PHACTR1: variants seen among roughly 807,000 people sequenced by gnomAD.
PHACTR1 encodes the protein phosphatase and actin regulator 1, also known as RPEL repeat containing 1.
Under a neutral mutation model 69.2 loss-of-function variants are expected in PHACTR1, and 16 were observed. That is an observed-to-expected ratio of 0.23 (90% CI 0.16 to 0.35). The LOEUF is 0.35. PHACTR1 is among the 10% of genes least tolerant of loss of function. The pLI is 1.00. For synonymous variants in PHACTR1, 312 were observed against 284.5 expected (o/e 1.10, Z -0.97); for missense variants, 510 against 734.7 (o/e 0.69, Z 3.54).
chr6:12,856,235 T>TTTTC lies in PHACTR1; in HGVS notation c.250+106465_250+106468dup, dbSNP rs568013336. Among the ~76,000 whole-genome samples, 16 of 139,250 alleles carry TTTTC rather than the reference T, an allele frequency of 1.1e-4. No individual in the cohort carries two copies. The South Asian group carries it at 3.0e-3, about 26-fold the overall frequency. 91.4% of individuals were successfully genotyped at this position (139,250 alleles called of 152,430 possible). A position where few individuals can be genotyped will look rare whatever the true frequency, so the allele number is the denominator to read the frequency against. ...TTCACCCTTTCTTTTTTTCTTTTCT[T>TTTTC]TTTCTTTCTTTCTTTCTTTCTTTTT... On this transcript the variant is annotated intron_variant, in intron 4 of 14. Coordinates refer to ENST00000332995, the MANE Select transcript of PHACTR1 (RefSeq NM_030948.6).
chr6:13,134,795 TA>T (rs35318262), intron 5 of PHACTR1, among the ~76,000 whole-genome samples: 2,013 of 111,126 alleles, frequency 0.018, 52 homozygotes, highest in African/African-American at 0.063. Flanking sequence ...CAATAAATAC[TA>T]AAAAAAAAAA....
chr6:12,897,452 C>T (rs1784773057), intron 4 of PHACTR1, among the ~76,000 whole-genome samples: 1 of 151,998 alleles, frequency 6.6e-6, no homozygotes, highest in African/African-American at 2.4e-5. Flanking sequence ...TTAAACATGC[C>T]CAGTCTCTCC....
rs148520946 is a variant in PHACTR1 at position 12,947,337 on chromosome 6, T to C, written c.251-106028T>C. On this transcript the variant is annotated intron_variant, in intron 4 of 14. Transcript: ENST00000332995. ...GTATAACCTGAAGAAACATAACTAT[T>C]CTGCTTTTTTTTTTTTTTTCTGTGA... Among the ~76,000 whole-genome samples the C allele has an allele frequency of 4.5e-3, 575 of 129,142 alleles. 3 individuals carry two copies. Among genetic ancestry groups the C allele is most frequent in the African/African-American group, 0.017 (540 of 32,302 alleles). 84.7% of individuals were successfully genotyped at this position (129,142 alleles called of 152,430 possible). A position where few individuals can be genotyped will look rare whatever the true frequency, so the allele number is the denominator to read the frequency against.
At chr6:13,193,167 C>G (rs1469775489) in intron 7 of PHACTR1, among the ~76,000 whole-genome samples, 1 of 150,500 alleles carries the variant, frequency 6.6e-6, no homozygotes, top group Non-Finnish European at 1.5e-5. Flanking sequence ...TTAGACCAGC[C>G]ATTAACATCA....
chr6:13,192,930 C>G (rs984164657), intron 7 of PHACTR1, among the ~76,000 whole-genome samples: 1 of 152,134 alleles, frequency 6.6e-6, no homozygotes, highest in Non-Finnish European at 1.5e-5. Context: ...AAAATGTTCT[C>G]CAGTTCTAAG....
Position 12,933,654 on chromosome 6 carries a change from T to C in PHACTR1, c.251-119711T>C, listed in dbSNP as rs773874181. ...CCAGGCGTTTCCCTTTTTGGGGATA[T>C]GGATGAAGCAAGAATGGGACCAGCA... On this transcript the variant is annotated intron_variant, in intron 4 of 14. Coordinates refer to ENST00000332995, the MANE Select transcript of PHACTR1 (RefSeq NM_030948.6). 8 of 1,612,668 alleles carry C rather than the reference T, an allele frequency of 5.0e-6. No homozygotes were observed. In the East Asian group the frequency reaches 1.1e-4, roughly 22 times the overall value.
At chr6:13,034,852 T>C (rs1309375628) in intron 4 of PHACTR1, among the ~76,000 whole-genome samples, 1 of 152,244 alleles carries the variant, frequency 6.6e-6, no homozygotes, top group Admixed American at 6.5e-5. Flanking sequence ...AGTCCTTTTC[T>C]GGTAGTGAAA....
At chr6:12,794,774 G>A (rs912479147) in intron 4 of PHACTR1, among the ~76,000 whole-genome samples, 1 of 152,160 alleles carries the variant, frequency 6.6e-6, no homozygotes, top group Non-Finnish European at 1.5e-5. Context: ...TTGTCTGGTG[G>A]CTGCCATATT....
chr6:12,752,368 G>A (rs1766726389), intron 4 of PHACTR1, among the ~76,000 whole-genome samples: 1 of 152,240 alleles, frequency 6.6e-6, no homozygotes, highest in African/African-American at 2.4e-5. Context: ...TGGGCATAGA[G>A]ATAATTTTGT....
At chr6:12,878,109 C>T (rs950022885) in intron 4 of PHACTR1, among the ~76,000 whole-genome samples, 1 of 152,188 alleles carries the variant, frequency 6.6e-6, no homozygotes, top group South Asian at 2.1e-4. Context: ...TTCCAGCGCA[C>T]TTAGCAAAGT....
intron 10 of PHACTR1, among the ~76,000 whole-genome samples, chr6:13,255,931 G>T (rs1479628342): frequency 6.6e-6 from 1 of 152,214 alleles, no homozygotes; most frequent in African/African-American, 2.4e-5. Flanking sequence ...AGCTCCACTA[G>T]GCAGTGCCCC....
chr6:12,975,130 TG>T (rs1248388258), intron 4 of PHACTR1, among the ~76,000 whole-genome samples: 4 of 152,082 alleles, frequency 2.6e-5, no homozygotes, highest in African/African-American at 9.7e-5. Context: ...GTGAGAGGTG[TG>T]GGGAAGTATG....
intron 4 of PHACTR1, among the ~76,000 whole-genome samples, chr6:12,975,518 C>A (rs1794766250): frequency 6.6e-6 from 1 of 152,194 alleles, no homozygotes; most frequent in Non-Finnish European, 1.5e-5. Context: ...TTAAGGAGCT[C>A]ATTTTCAATT....
chr6:13,022,221 G>A (rs780959053), intron 4 of PHACTR1, among the ~76,000 whole-genome samples: 61 of 152,232 alleles, frequency 4.0e-4, no homozygotes, highest in Non-Finnish European at 6.8e-4. Context: ...AAAAGTTGAA[G>A]TGGAAATTAT....
At chr6:12,720,899 C>T (rs1481246818) in intron 3 of PHACTR1, among the ~76,000 whole-genome samples, 1 of 152,210 alleles carries the variant, frequency 6.6e-6, no homozygotes, top group African/African-American at 2.4e-5. Flanking sequence ...ACACTAGAGG[C>T]AGGATGACAT....
In PHACTR1 at chr6:12,846,314, A is replaced by G. The variant is rs185256504; in HGVS notation, c.250+96524A>G. On this transcript the variant is annotated intron_variant, in intron 4 of 14. Coordinates refer to ENST00000332995, the MANE Select transcript of PHACTR1 (RefSeq NM_030948.6). ...GAATATAATCTTAACTATTCTGTAAATGGAAAATTTTAAGTTGGTACCAAC... is the reference window on the plus strand; with the variant it reads ...GAATATAATCTTAACTATTCTGTAAGTGGAAAATTTTAAGTTGGTACCAAC... 3.2e-4 allele frequency among the ~76,000 whole-genome samples: 49 copies of G among 152,362 alleles called. 1 individual carries two copies. Among genetic ancestry groups the G allele is most frequent in the Admixed American group, 2.7e-3 (41 of 15,300 alleles).
chr6:12,796,353 A>G (rs1294451825), intron 4 of PHACTR1, among the ~76,000 whole-genome samples: 1 of 152,218 alleles, frequency 6.6e-6, no homozygotes, highest in Non-Finnish European at 1.5e-5. Flanking sequence ...ACTGTCTGCT[A>G]TATTGCTATG....
At chr6:12,888,072 CAAAAAA>C (rs33925347) in intron 4 of PHACTR1, among the ~76,000 whole-genome samples, 2 of 71,934 alleles carry the variant, frequency 2.8e-5, no homozygotes, top group East Asian at 7.8e-4. Context: ...GACTCCATCT[CAAAAAA>C]AAAAAAAAAA....
chr6:13,279,772 C>T (rs1268713905), intron 12 of PHACTR1: 3 of 152,214 alleles, frequency 2.0e-5, no homozygotes, highest in African/African-American at 7.2e-5. Context: ...TTAAGCCCAC[C>T]CACTCTTTGG....
Sources: gnomAD v4.1 joint callset for allele counts (sites outside exome capture counted in the v4.1 genomes callset) on GRCh38, gnomAD v4.1.1 for gene constraint, MANE v1.5 for transcripts, NCBI Gene and HGNC (gene_info 2026-07-23, HGNC 2026-07-21) for gene names.